Variants in ADGRG7 observed in about 807,000 individuals in gnomAD.
ADGRG7 encodes the protein adhesion G protein-coupled receptor G7.
In ADGRG7, 82 loss-of-function variants were observed where a neutral mutation model predicts 88.6. That is an observed-to-expected ratio of 0.93 (90% CI 0.77 to 1.11). The LOEUF (loss-of-function observed/expected upper bound fraction) is 1.11, where lower values mean the gene tolerates loss of function less well. Ranked by LOEUF, ADGRG7 falls within the 50% of genes most tolerant of loss-of-function variation. The pLI, the probability that ADGRG7 is intolerant of heterozygous loss-of-function variation, is 0.00. For missense variants in ADGRG7, 945 were observed against 953.4 expected (o/e 0.99, Z 0.12); for synonymous variants, 381 against 345.2 (o/e 1.10, Z -1.15).
intron 15 of ADGRG7, among the ~76,000 whole-genome samples, chr3:100,686,468 G>A (rs534977898): frequency 3.3e-5 from 5 of 152,296 alleles, no homozygotes; most frequent in Admixed American, 1.3e-4. Flanking sequence ...TGTCCTGAAC[G>A]ATATTGCCTA....
intron 11 of ADGRG7, among the ~76,000 whole-genome samples, chr3:100,652,352 A>G (rs11921801): frequency 0.59 from 89,853 of 151,916 alleles, 28,829 homozygotes; most frequent in East Asian, 0.99. Flanking sequence ...TAATGGGCAA[A>G]TAGACTTCAT....
chr3:100,690,809 G>A (rs2094992089), intron 15 of ADGRG7, among the ~76,000 whole-genome samples: 1 of 152,208 alleles, frequency 6.6e-6, no homozygotes, highest in East Asian at 1.9e-4. Context: ...AGGCTACTCG[G>A]GGGTCAGGGA....
intron 15 of ADGRG7, among the ~76,000 whole-genome samples, chr3:100,687,983 T>A (rs1055674864): frequency 6.6e-6 from 1 of 152,154 alleles, no homozygotes; most frequent in Non-Finnish European, 1.5e-5. Flanking sequence ...TCTGGTAGAA[T>A]TCGGCTGTGA....
At chr3:100,645,408 G>C (rs192850984) in intron 8 of ADGRG7, among the ~76,000 whole-genome samples, 31 of 152,290 alleles carry the variant, frequency 2.0e-4, no homozygotes, top group Admixed American at 1.6e-3. Context: ...AGATGGTGAA[G>C]AGTGCCTGCC....
In ADGRG7 at chr3:100,673,606, C is replaced by T. The variant is rs949507731; in HGVS notation, c.2136+4501C>T. Among the ~76,000 whole-genome samples the T allele has an allele frequency of 3.3e-5, 5 of 151,916 alleles. No individual in the cohort carries two copies. In the East Asian group the frequency reaches 5.8e-4, roughly 18 times the overall value. On this transcript the variant is annotated intron_variant, in intron 15 of 15. Transcript: ENST00000273352. ...CCTCCCAAATAGCTGGGATTACAGG[C>T]GTGAACCACCATGCCTGGCTAATTT...
At chr3:100,640,444 C>A (rs1456833714) in intron 6 of ADGRG7, among the ~76,000 whole-genome samples, 1 of 152,080 alleles carries the variant, frequency 6.6e-6, no homozygotes, top group Non-Finnish European at 1.5e-5. Context: ...TCAAAGTGGG[C>A]AGAGCTCTGG....
rs267599513 is a variant in ADGRG7 at position 100,655,181 on chromosome 3, G to A, written c.1726G>A (p.Gly576Arg). ...TCTTTTCATCTCATTAATTGGATGG[G>A]GTAAGTGTTTGCATCTCCCCTTTCT... ...FILFISLIGW[G>R]VPAIVVAITV... is the part of the protein sequence containing the mutation. The change falls in exon 12 of 16, where the codon GGA becomes AGA. Residue 576 changes from glycine (G) to arginine (R), a missense_variant and splice_region_variant. Gly to Arg is a moderately radical substitution (Grantham distance 125). Coordinates refer to ENST00000273352, the MANE Select transcript of ADGRG7 (RefSeq NM_032787.3). The A allele has an allele frequency of 6.3e-7, 1 of 1,582,690 alleles. No homozygotes were observed. Among genetic ancestry groups the A allele is most frequent in the Non-Finnish European group, 8.6e-7 (1 of 1,159,484 alleles).
chr3:100,633,060 A>C (rs1576317294), intron 3 of ADGRG7, among the ~76,000 whole-genome samples: 2 of 152,304 alleles, frequency 1.3e-5, no homozygotes, highest in Non-Finnish European at 2.9e-5. Flanking sequence ...ATCTTACTTG[A>C]AGACATCAAA....
Position 100,633,335 on chromosome 3 carries a change from A to G in ADGRG7, c.405A>G (p.Thr135=). Residue 135 remains threonine (T), a synonymous_variant, in exon 4 of 16, where the codon ACA becomes ACG. Transcript: ENST00000273352. The part of the protein sequence containing the change: ...LYGEIELQKV[T]IGNCNENLET... Reference sequence around the variant, plus strand: ...GAGAGATAGAATTACAAAAAGTGACAATAGGAAATTGCAATGAAAATCTGG... The same window carrying G: ...GAGAGATAGAATTACAAAAAGTGACGATAGGAAATTGCAATGAAAATCTGG... 5.0e-6 allele frequency: 8 copies of G among 1,590,588 alleles called. No homozygotes were observed. The highest frequency in any genetic ancestry group is 1.1e-5 in the South Asian group (1 of 87,786).
intron 6 of ADGRG7, among the ~76,000 whole-genome samples, chr3:100,641,298 T>A (rs972175544): frequency 6.6e-6 from 1 of 151,682 alleles, no homozygotes; most frequent in African/African-American, 2.4e-5. Context: ...TCTTTCTATA[T>A]AAGGCTTTCT....
chr3:100,652,069 C>G (rs1222911512), intron 11 of ADGRG7, among the ~76,000 whole-genome samples: 1 of 152,010 alleles, frequency 6.6e-6, no homozygotes, highest in Non-Finnish European at 1.5e-5. Flanking sequence ...TGAAAATCAC[C>G]TCTTCTTCCT....
chr3:100,627,650 T>C (rs755869164), intron 1 of ADGRG7, among the ~76,000 whole-genome samples: 2 of 152,208 alleles, frequency 1.3e-5, no homozygotes, highest in Admixed American at 6.5e-5. Context: ...GTTATTTCTT[T>C]TCTAATTTAC....
chr3:100,638,904 G>A (rs1707591429), intron 6 of ADGRG7, among the ~76,000 whole-genome samples: 1 of 152,042 alleles, frequency 6.6e-6, no homozygotes, highest in South Asian at 2.1e-4. Context: ...CAGCATGCAT[G>A]CTTATTGTAG....
intron 3 of ADGRG7, 149 bp downstream of exon 3, chr3:100,630,958 A>C: frequency 2.5e-6 from 1 of 394,222 alleles, no homozygotes; most frequent in South Asian, 1.3e-4. Context: ...GCTAATGTTC[A>C]AAACTTAAGG....
chr3:100,652,275 G>A (rs1307581195), intron 11 of ADGRG7, among the ~76,000 whole-genome samples: 2 of 152,024 alleles, frequency 1.3e-5, no homozygotes, highest in African/African-American at 2.4e-5. Flanking sequence ...AAGCTTTTTT[G>A]TTCAGTGTGG....
chr3:100,661,012 A>G (rs4928072), intron 14 of ADGRG7, among the ~76,000 whole-genome samples: 40,103 of 151,706 alleles, frequency 0.26, 5,877 homozygotes, highest in East Asian at 0.65. Flanking sequence ...TGGCCACTCT[A>G]AGCTGACATT....
chr3:100,694,719 C>T, intron 15 of ADGRG7, 25 bp from the exon 16 acceptor site: 3 of 1,605,620 alleles, frequency 1.9e-6, no homozygotes, highest in South Asian at 1.1e-5. Context: ...ACTTACCCAA[C>T]ATTAAACTTT....
intron 15 of ADGRG7, among the ~76,000 whole-genome samples, chr3:100,686,330 G>C (rs2094982580): frequency 6.6e-6 from 1 of 152,118 alleles, no homozygotes; most frequent in African/African-American, 2.4e-5. Context: ...TAGGTTGCCT[G>C]TTCACTCTGA....
intron 3 of ADGRG7, among the ~76,000 whole-genome samples, chr3:100,631,846 T>C (rs1394306158): frequency 6.6e-6 from 1 of 152,158 alleles, no homozygotes; most frequent in African/African-American, 2.4e-5. Flanking sequence ...CTTCCACCCA[T>C]ATATATCATT....
Sources: gnomAD v4.1 joint callset for allele counts (sites outside exome capture counted in the v4.1 genomes callset) on GRCh38, gnomAD v4.1.1 for gene constraint, MANE v1.5 for transcripts, NCBI Gene and HGNC (gene_info 2026-07-23, HGNC 2026-07-21) for gene names.